TMEM92: variants seen among roughly 807,000 people sequenced by gnomAD.
TMEM92 encodes the protein transmembrane protein 92.
A neutral mutation model predicts 14.6 loss-of-function variants in TMEM92; 15 were observed. The observed-to-expected ratio is 1.03, with a 90% CI of 0.69 to 1.58. TMEM92 has a LOEUF of 1.58. TMEM92 is among the 40% of genes most tolerant of loss of function. TMEM92 has a pLI of 0.00. For missense variants in TMEM92, 174 were observed against 202.4 expected (o/e 0.86, Z 0.85); for synonymous variants, 85 against 83.3 (o/e 1.02, Z -0.11).
chr17:50,277,301 G>A (rs1045486109), intron 1 of TMEM92, among the ~76,000 whole-genome samples: 1 of 152,168 alleles, frequency 6.6e-6, no homozygotes, highest in Admixed American at 6.5e-5. Context: ...CCACCGAAGG[G>A]GGCTTCCAGC....
chr17:50,278,670 G>C (rs760603665), intron 3 of TMEM92, 40 bp downstream of exon 3: 72 of 1,607,048 alleles, frequency 4.5e-5, no homozygotes, highest in Admixed American at 1.9e-4. Flanking sequence ...AGTCCTTGGA[G>C]GGGCCTGGTC....
upstream of TMEM92, among the ~76,000 whole-genome samples, chr17:50,272,901 G>T (rs1023609118): frequency 6.6e-6 from 1 of 152,028 alleles, no homozygotes; most frequent in Non-Finnish European, 1.5e-5. Flanking sequence ...CTGGGAACTC[G>T]AGAGAAACTG....
chr17:50,279,816 C>T lies in TMEM92; in HGVS notation c.*508C>T, dbSNP rs886816411. ...GAATGTTACTGATTGCGGCTGAGGGCCTGCCTCTGGCTGTGTGGGGAGGTG... is the reference window on the plus strand; with the variant it reads ...GAATGTTACTGATTGCGGCTGAGGGTCTGCCTCTGGCTGTGTGGGGAGGTG... On this transcript the variant is annotated 3_prime_UTR_variant, in exon 5 of 5. Coordinates refer to ENST00000507382, the MANE Select transcript of TMEM92 (RefSeq NM_153229.3). The T allele has an allele frequency of 2.9e-5, 5 of 174,372 alleles. No homozygotes were observed. The Admixed American group carries it at 3.1e-4, about 11-fold the overall frequency. 10.8% of individuals were successfully genotyped at this position (174,372 alleles called of 1,614,324 possible).
At chr17:50,275,394 G>T (rs1034878091) in intron 1 of TMEM92, among the ~76,000 whole-genome samples, 1 of 152,122 alleles carries the variant, frequency 6.6e-6, no homozygotes, top group Admixed American at 6.5e-5. Flanking sequence ...GTGGACCCGG[G>T]TTAGTGAGCA....
In TMEM92 at chr17:50,278,913, CG is replaced by C. The variant is rs774952999; in HGVS notation, c.288del (p.Leu98TrpfsTer26). 6.2e-7 allele frequency: 1 copy of C among 1,613,610 alleles called. No individual in the cohort carries two copies. Among genetic ancestry groups the C allele is most frequent in the Admixed American group, 1.7e-5 (1 of 59,992 alleles). ...GGAGCCAGACAGCCCAGTGGATTGC[CG>C]GGGGCCCCTGGAACTGCCCTCCATC... ...EPEPDSPVDCRGPLELPSIIP... is the reference protein window; with the variant it reads ...EPEPDSPVDCXGPLELPSIIP... On this transcript the variant is annotated frameshift_variant, in exon 4 of 5. Coordinates refer to ENST00000507382, the MANE Select transcript of TMEM92 (RefSeq NM_153229.3). LOFTEE classifies it high-confidence loss of function.
rs1910362096 is a variant in TMEM92, at chr17:50,274,540, G to C, written c.39G>C (p.Leu13Phe). 1 of 1,613,978 alleles carries C rather than the reference G, an allele frequency of 6.2e-7. No homozygotes were observed. The highest frequency in any genetic ancestry group is 8.5e-7 in the Non-Finnish European group (1 of 1,179,946). The change falls in exon 1 of 5, where the codon TTG becomes TTC. Residue 13 changes from leucine to phenylalanine, a missense_variant. Physicochemically the swap from Leu to Phe is conservative, Grantham distance 22. Transcript: ENST00000507382. ...GGGTCCCCGGCCTCGCGCCCACCTT[G>C]CTGTTCAGCCTGCTGGCTGGCCCCC... is the stretch of plus-strand genomic sequence containing the variant. ...QAWVPGLAPT[L>F]LFSLLAGPQK...
intron 2 of TMEM92, 113 bp from the exon 3 acceptor site, chr17:50,278,443 G>C: frequency 8.3e-7 from 1 of 1,202,378 alleles, no homozygotes; most frequent in Non-Finnish European, 1.2e-6. Context: ...CCCACTAAGG[G>C]GTGGCTTGTG....
upstream of TMEM92, among the ~76,000 whole-genome samples, chr17:50,272,669 T>C (rs1910285977): frequency 6.6e-6 from 1 of 151,720 alleles, no homozygotes; most frequent in Admixed American, 6.6e-5. Context: ...ATTATCTTCT[T>C]AAGGGGCAAA....
At chr17:50,276,971 A>G (rs909101056) in intron 1 of TMEM92, among the ~76,000 whole-genome samples, 9 of 152,134 alleles carry the variant, frequency 5.9e-5, no homozygotes, top group African/African-American at 2.2e-4. Context: ...GCCACCTAGA[A>G]GAGTGTTCCA....
chr17:50,279,406 A>G lies in TMEM92; in HGVS notation c.*98A>G. On this transcript the variant is annotated 3_prime_UTR_variant, in exon 5 of 5. Transcript: ENST00000507382. The stretch of plus-strand genomic sequence containing the variant: ...TGGCACCCCAGGAATGTCCCTGCCC[A>G]TCCTGCCGTGTCTCTGTTCATTCTT... 2.1e-6 allele frequency: 2 copies of G among 932,750 alleles called. No homozygotes were observed. Among genetic ancestry groups the G allele is most frequent in the Admixed American group, 2.1e-5 (1 of 46,820 alleles). 57.8% of individuals were successfully genotyped at this position (932,750 alleles called of 1,614,324 possible). A position where few individuals can be genotyped will look rare whatever the true frequency, so the allele number is the denominator to read the frequency against.
At chr17:50,277,575 G>C in intron 1 of TMEM92, 140 bp from the exon 2 acceptor site, 1 of 917,740 alleles carries the variant, frequency 1.1e-6, no homozygotes, top group Non-Finnish European at 1.7e-6. Context: ...GGAGTGAGGT[G>C]GGGGGTGGCT....
intron 3 of TMEM92, 33 bp downstream of exon 3, chr17:50,278,663 C>A: frequency 1.2e-6 from 2 of 1,608,572 alleles, no homozygotes; most frequent in South Asian, 2.2e-5. Flanking sequence ...TGGGTGCAGT[C>A]CTTGGAGGGG....
intron 1 of TMEM92, among the ~76,000 whole-genome samples, chr17:50,276,309 T>A (rs1910431017): frequency 6.6e-6 from 1 of 152,110 alleles, no homozygotes; most frequent in Admixed American, 6.6e-5. Flanking sequence ...GTCATTCCTG[T>A]GTGCTGTGTG....
rs111757600 is a variant in TMEM92 at position 50,274,976 on chromosome 17, A to G, written c.69+406A>G. On this transcript the variant is annotated intron_variant, in intron 1 of 4. Coordinates refer to ENST00000507382, the MANE Select transcript of TMEM92 (RefSeq NM_153229.3). Reference sequence around the variant, plus strand: ...TGCTGGGGGACCCTGGGATGTCCCCACCCTCTTTGGGACTGTGTCTCTGCT... The same window carrying G: ...TGCTGGGGGACCCTGGGATGTCCCCGCCCTCTTTGGGACTGTGTCTCTGCT... The G allele has an allele frequency of 4.4e-3, 841 of 191,476 alleles. 10 individuals are homozygous for G. Among genetic ancestry groups the G allele is most frequent in the African/African-American group, 0.019 (801 of 41,942 alleles). 11.9% of individuals were successfully genotyped at this position (191,476 alleles called of 1,614,324 possible). A position where few individuals can be genotyped will look rare whatever the true frequency, so the allele number is the denominator to read the frequency against.
At chr17:50,274,694 T>C (rs1436485450) in intron 1 of TMEM92, 124 bp downstream of exon 1, 13 of 854,378 alleles carry the variant, frequency 1.5e-5, no homozygotes, top group Admixed American at 2.6e-5. Flanking sequence ...CACAGTTAGC[T>C]ACTTCCTTTC....
chr17:50,278,982 C>A lies in TMEM92; in HGVS notation c.352C>A (p.Pro118Thr). Residue 118 changes from proline (P) to threonine (T), a missense_variant, in exon 4 of 5, where the codon CCC (proline) becomes ACC (threonine). Transcript: ENST00000507382. ...RVRVSLSAPPPPYSEVILKPS... is the reference protein window; with the variant it reads ...RVRVSLSAPPTPYSEVILKPS... ...CAGAGTATCCCTTTCTGCGCCCCCA[C>A]CCCCCTACAGTGAGGTGGGTGTCTC... is the stretch of plus-strand genomic sequence containing the variant. The A allele has an allele frequency of 1.9e-6, 3 of 1,599,182 alleles. No homozygotes were observed. Among genetic ancestry groups the A allele is most frequent in the East Asian group, 2.2e-5 (1 of 44,798 alleles).
rs1910532319 is a variant in TMEM92, at chr17:50,279,180, C to G, written c.367-15C>G. ...GCCAGGGCCCAGAAGACTGAATTCT[C>G]TCTTTTCCCTGCAGGTGATTCTGAA... is the stretch of plus-strand genomic sequence containing the variant. On this transcript the variant is annotated splice_polypyrimidine_tract_variant and intron_variant, in intron 4 of 4. Coordinates refer to ENST00000507382, the MANE Select transcript of TMEM92 (RefSeq NM_153229.3). The G allele has an allele frequency of 6.2e-7, 1 of 1,611,852 alleles. No homozygotes were observed. Among genetic ancestry groups the G allele is most frequent in the Non-Finnish European group, 8.5e-7 (1 of 1,177,922 alleles).
At chr17:50,273,069 G>A (rs543804975), upstream of TMEM92, among the ~76,000 whole-genome samples, 1 of 152,274 alleles carries the variant, frequency 6.6e-6, no homozygotes, top group African/African-American at 2.4e-5. Context: ...AAACGCCCAC[G>A]ACGTCGGGGG....
chr17:50,278,916 G>A lies in TMEM92; in HGVS notation c.286G>A (p.Gly96Arg), dbSNP rs1198916972. Reference sequence around the variant, plus strand: ...GCCAGACAGCCCAGTGGATTGCCGGGGGCCCCTGGAACTGCCCTCCATCAT... The same window carrying A: ...GCCAGACAGCCCAGTGGATTGCCGGAGGCCCCTGGAACTGCCCTCCATCAT... The part of the protein sequence containing the change: ...PEPDSPVDCR[G>R]PLELPSIIPP... Residue 96 changes from glycine to arginine, a missense_variant, in exon 4 of 5, where the codon GGG (glycine) becomes AGG (arginine). By Grantham distance (125) the Gly-to-Arg change is moderately radical. Coordinates refer to ENST00000507382, the MANE Select transcript of TMEM92 (RefSeq NM_153229.3). The A allele has an allele frequency of 1.2e-6, 2 of 1,613,844 alleles. No homozygotes were observed. The highest frequency in any genetic ancestry group is 1.7e-6 in the Non-Finnish European group (2 of 1,179,872).
Sources: allele counts gnomAD v4.1 joint callset (sites outside exome capture counted in the v4.1 genomes callset), GRCh38; gene constraint gnomAD v4.1.1; transcripts MANE v1.5; gene names NCBI Gene and HGNC (gene_info 2026-07-23, HGNC 2026-07-21).